Variants in SCOC observed in about 807,000 individuals in gnomAD.
The protein encoded by SCOC is short coiled coil protein.
In SCOC, 7 loss-of-function variants were observed where a neutral mutation model predicts 9.9. The ratio of observed to expected loss-of-function variants is 0.71; its 90% confidence interval spans 0.40 to 1.33. SCOC has a LOEUF of 1.33. Among genes scored for constraint, SCOC ranks in the 40% most tolerant of loss-of-function variants. SCOC has a pLI of 0.01. For synonymous variants in SCOC, 19 were observed against 28.2 expected, an observed-to-expected ratio of 0.67 and a Z score of 1.03; for missense variants, 66 against 89.7, an observed-to-expected ratio of 0.74 and a Z score of 1.07.
At chr4:140,309,747 T>A (rs1391219263) in intron 1 of SCOC, among the ~76,000 whole-genome samples, 1 of 152,098 alleles carries the variant, frequency 6.6e-6, no homozygotes, top group African/African-American at 2.4e-5. Context: ...TGAACAGGAG[T>A]AAAAGAGAGT....
At chr4:140,371,131 C>G (rs1021512487), upstream of SCOC, among the ~76,000 whole-genome samples, 1 of 152,068 alleles carries the variant, frequency 6.6e-6, no homozygotes, top group Non-Finnish European at 1.5e-5. Flanking sequence ...GTGATCCACC[C>G]GCCTCGACCT....
chr4:140,293,020 T>C (rs1168530951), intron 1 of SCOC, among the ~76,000 whole-genome samples: 4 of 152,222 alleles, frequency 2.6e-5, no homozygotes, highest in Non-Finnish European at 5.9e-5. Flanking sequence ...CACTCTTAGC[T>C]TTTATCTGTA....
At chr4:140,258,210 G>A (rs1730553201) in intron 1 of SCOC, among the ~76,000 whole-genome samples, 1 of 152,202 alleles carries the variant, frequency 6.6e-6, no homozygotes, top group African/African-American at 2.4e-5. Context: ...ACCCAGGGTG[G>A]AAATAACCCC....
chr4:140,288,424 C>T (rs1483416064), intron 1 of SCOC, among the ~76,000 whole-genome samples: 1 of 151,352 alleles, frequency 6.6e-6, no homozygotes, highest in Non-Finnish European at 1.5e-5. Flanking sequence ...AAAACACACA[C>T]AGGTACACAT....
intron 1 of SCOC, among the ~76,000 whole-genome samples, chr4:140,326,849 C>A (rs1732664755): frequency 6.6e-6 from 1 of 152,204 alleles, no homozygotes. Context: ...AATCTGATAA[C>A]ATTCATTGGT....
intron 1 of SCOC, among the ~76,000 whole-genome samples, chr4:140,315,921 G>A (rs1732303952): frequency 6.6e-6 from 1 of 151,926 alleles, no homozygotes; most frequent in Non-Finnish European, 1.5e-5. Flanking sequence ...TAAGATAGCA[G>A]GTTGCAGTGG....
chr4:140,374,213 C>G, intron 1 of SCOC: 1 of 455,302 alleles, frequency 2.2e-6, no homozygotes, highest in Non-Finnish European at 4.4e-6. Context: ...GCGGCGAAAG[C>G]GGCACCTGGG....
At chr4:140,286,189 A>T (rs1056141238) in intron 1 of SCOC, among the ~76,000 whole-genome samples, 1 of 108,776 alleles carries the variant, frequency 9.2e-6, no homozygotes, top group South Asian at 2.6e-4. Flanking sequence ...ATCACAAAAT[A>T]AAAAAAAAAA....
intron 1 of SCOC, among the ~76,000 whole-genome samples, chr4:140,289,174 C>T (rs919519921): frequency 6.6e-6 from 1 of 152,172 alleles, no homozygotes; most frequent in Non-Finnish European, 1.5e-5. Context: ...AGTTGTGTGG[C>T]AGGAAATACC....
intron 1 of SCOC, among the ~76,000 whole-genome samples, chr4:140,303,528 A>C (rs920882601): frequency 2.0e-5 from 3 of 152,114 alleles, no homozygotes. Flanking sequence ...ATCCTGATCT[A>C]TCTCTTTCCT....
At chr4:140,276,627 T>C (rs1730990100) in intron 1 of SCOC, among the ~76,000 whole-genome samples, 1 of 151,966 alleles carries the variant, frequency 6.6e-6, no homozygotes, top group Non-Finnish European at 1.5e-5. Flanking sequence ...AGCTAATTTT[T>C]TGCATTTTTA....
intron 1 of SCOC, among the ~76,000 whole-genome samples, chr4:140,297,789 G>T (rs1279214204): frequency 6.6e-6 from 1 of 152,146 alleles, no homozygotes; most frequent in African/African-American, 2.4e-5. Flanking sequence ...AGACAGTGGG[G>T]GGAGGGAGGC....
chr4:140,359,106 A>G (rs546245078), intron 2 of SCOC, among the ~76,000 whole-genome samples: 7 of 130,832 alleles, frequency 5.4e-5, no homozygotes, highest in African/African-American at 1.8e-4. Context: ...TTGTAGAGCG[A>G]CAGCGTTTCA....
chr4:140,298,673 C>A (rs1731720250), intron 1 of SCOC, among the ~76,000 whole-genome samples: 1 of 152,232 alleles, frequency 6.6e-6, no homozygotes, highest in Non-Finnish European at 1.5e-5. Flanking sequence ...CAATCAGTGA[C>A]TCCTCTTTTC....
upstream of SCOC, among the ~76,000 whole-genome samples, chr4:140,372,489 C>T (rs763205351): frequency 2.6e-5 from 4 of 152,180 alleles, no homozygotes; most frequent in Non-Finnish European, 4.4e-5. Context: ...CTGCCTGCAT[C>T]CATTCTCTCT....
At chr4:140,293,933 G>A (rs1012429819) in intron 1 of SCOC, among the ~76,000 whole-genome samples, 5 of 152,166 alleles carry the variant, frequency 3.3e-5, no homozygotes, top group Admixed American at 1.3e-4. Flanking sequence ...CTTAGGGTGA[G>A]GGTTCCCAGA....
chr4:140,319,622 G>A (rs192195078), intron 1 of SCOC, among the ~76,000 whole-genome samples: 62 of 152,234 alleles, frequency 4.1e-4, no homozygotes, highest in African/African-American at 1.5e-3. Flanking sequence ...GTTTGGGGCT[G>A]TTGCAAAAAT....
intron 2 of SCOC, among the ~76,000 whole-genome samples, chr4:140,343,886 TTAAG>T (rs1290607299): frequency 4.6e-5 from 7 of 152,214 alleles, no homozygotes; most frequent in Non-Finnish European, 7.3e-5. Flanking sequence ...TCCTTTTAAA[TTAAG>T]TGATAATTTT....
At chr4:140,363,012 A>G (rs1478488387) in intron 2 of SCOC, among the ~76,000 whole-genome samples, 2 of 152,204 alleles carry the variant, frequency 1.3e-5, no homozygotes, top group African/African-American at 4.8e-5. Flanking sequence ...GGGATGAGGT[A>G]ATGCCTCTCT....
Sources: allele counts gnomAD v4.1 joint callset (sites outside exome capture counted in the v4.1 genomes callset), GRCh38; gene constraint gnomAD v4.1.1; transcripts MANE v1.5; gene names NCBI Gene and HGNC (gene_info 2026-07-23, HGNC 2026-07-21).